GHR: variants seen among roughly 807,000 people sequenced by gnomAD.
GHR encodes the protein growth hormone receptor.
Under a neutral mutation model 67.1 loss-of-function variants are expected in GHR, and 35 were observed. The ratio of observed to expected loss-of-function variants is 0.52; its 90% confidence interval spans 0.40 to 0.69. The LOEUF (loss-of-function observed/expected upper bound fraction) is 0.69, where lower values mean the gene tolerates loss of function less well. GHR is among the 30% of genes least tolerant of loss of function. The probability of loss-of-function intolerance (pLI) is 0.00; values close to 1 mark genes in which losing one functional copy is unlikely to be tolerated. For synonymous variants in GHR, 272 were observed against 269.1 expected (o/e 1.01, Z -0.10); for missense variants, 792 against 764.6 (o/e 1.04, Z -0.42).
intron 1 of GHR, among the ~76,000 whole-genome samples, chr5:42,494,099 A>G (rs1040452777): frequency 6.6e-6 from 1 of 152,152 alleles, no homozygotes; most frequent in African/African-American, 2.4e-5. Context: ...ACTTAATTCT[A>G]CCTATCATGG....
chr5:42,509,950 A>C (rs576601476), intron 1 of GHR, among the ~76,000 whole-genome samples: 1 of 152,136 alleles, frequency 6.6e-6, no homozygotes, highest in Non-Finnish European at 1.5e-5. Context: ...AAACTTGAGA[A>C]TTTATCTCCT....
intron 2 of GHR, among the ~76,000 whole-genome samples, chr5:42,627,612 G>C (rs1753767962): frequency 1.3e-5 from 2 of 152,246 alleles, no homozygotes; most frequent in South Asian, 4.1e-4. Context: ...CGACAGGGAT[G>C]TGGCTCACCT....
intron 1 of GHR, among the ~76,000 whole-genome samples, chr5:42,483,074 C>G (rs934096655): frequency 6.6e-6 from 1 of 152,212 alleles, no homozygotes; most frequent in African/African-American, 2.4e-5. Context: ...CACTTACTCT[C>G]TCTTTATTTT....
chr5:42,551,316 A>G (rs926336922), intron 1 of GHR, among the ~76,000 whole-genome samples: 4 of 152,220 alleles, frequency 2.6e-5, no homozygotes, highest in African/African-American at 7.2e-5. Flanking sequence ...CAATGTAGGC[A>G]CAGAGGAGTT....
At chr5:42,661,864 C>T (rs1755648315) in intron 3 of GHR, among the ~76,000 whole-genome samples, 1 of 152,200 alleles carries the variant, frequency 6.6e-6, no homozygotes, top group African/African-American at 2.4e-5. Flanking sequence ...AAACCCATCT[C>T]ACGTGCAGAG....
At chr5:42,481,778 A>G (rs1365985098) in intron 1 of GHR, among the ~76,000 whole-genome samples, 2 of 152,082 alleles carry the variant, frequency 1.3e-5, no homozygotes, top group African/African-American at 4.8e-5. Flanking sequence ...CTAGTTATAC[A>G]TTCATCTAAT....
chr5:42,690,939 C>T (rs868339514), intron 4 of GHR, among the ~76,000 whole-genome samples: 7 of 152,206 alleles, frequency 4.6e-5, no homozygotes, highest in Admixed American at 2.6e-4. Context: ...AGAATAACCT[C>T]TTAAGCTGGG....
intron 1 of GHR, among the ~76,000 whole-genome samples, chr5:42,539,433 A>G (rs1409765303): frequency 3.3e-5 from 5 of 152,100 alleles, no homozygotes; most frequent in Non-Finnish European, 7.4e-5. Context: ...AGTGATTGTT[A>G]TCTCTCTTCT....
At chr5:42,469,689 C>T (rs964755781) in intron 1 of GHR, among the ~76,000 whole-genome samples, 1 of 152,192 alleles carries the variant, frequency 6.6e-6, no homozygotes, top group African/African-American at 2.4e-5. Flanking sequence ...GACCCAGAGT[C>T]CCAGGACACT....
At chr5:42,518,194 TTAA>T (rs1318570484) in intron 1 of GHR, among the ~76,000 whole-genome samples, 17 of 145,598 alleles carry the variant, frequency 1.2e-4, no homozygotes, top group Non-Finnish European at 2.3e-4. Context: ...AATGATAGTA[TTAA>T]TAATTCTGTG....
chr5:42,565,971 C>T, intron 2 of GHR, 27 bp downstream of exon 2: 4 of 1,613,410 alleles, frequency 2.5e-6, no homozygotes, highest in South Asian at 1.1e-5. Flanking sequence ...CATTTCCACC[C>T]TCAGTGTTTT....
At position 42,585,189 on chromosome 5, in the gene GHR, G is replaced by A. The variant is rs75848210; in HGVS notation, c.70+19245G>A. Among the ~76,000 whole-genome samples, 1,842 of 152,272 alleles carry A rather than the reference G, an allele frequency of 0.012. 81 individuals are homozygous for A. In the East Asian group the frequency reaches 0.14, roughly 12 times the overall value. On this transcript the variant is annotated intron_variant, in intron 2 of 9. Transcript: ENST00000230882. ...AATTAAAATTAAATAGCTATTGGTA[G>A]GATCTGGTTTTCCACTGGCTTGCAT...
chr5:42,480,309 A>G (rs1253202286), intron 1 of GHR, among the ~76,000 whole-genome samples: 5 of 152,200 alleles, frequency 3.3e-5, no homozygotes, highest in Non-Finnish European at 5.9e-5. Context: ...ACTTCCAAGT[A>G]TGTGGTCAAT....
At chr5:42,429,560 G>C (rs1407961309) in intron 1 of GHR, among the ~76,000 whole-genome samples, 1 of 152,156 alleles carries the variant, frequency 6.6e-6, no homozygotes, top group Non-Finnish European at 1.5e-5. Flanking sequence ...CTATAAACAA[G>C]ATAACTTGTT....
At chr5:42,536,651 T>G (rs1231233580) in intron 1 of GHR, among the ~76,000 whole-genome samples, 5 of 152,124 alleles carry the variant, frequency 3.3e-5, no homozygotes, top group African/African-American at 1.2e-4. Flanking sequence ...CTTTCCTGGT[T>G]TTGGTATTAG....
chr5:42,643,533 C>A (rs1269577804), intron 3 of GHR, among the ~76,000 whole-genome samples: 1 of 152,134 alleles, frequency 6.6e-6, no homozygotes, highest in Non-Finnish European at 1.5e-5. Flanking sequence ...TCTACACGAC[C>A]TCTCCCTGGA....
intron 1 of GHR, among the ~76,000 whole-genome samples, chr5:42,458,303 T>G (rs1397146525): frequency 2.0e-5 from 3 of 152,074 alleles, no homozygotes; most frequent in African/African-American, 7.2e-5. Context: ...TGGAACAGAT[T>G]AGAGAGCCCA....
chr5:42,639,171 A>C (rs1378733622), intron 3 of GHR, among the ~76,000 whole-genome samples: 1 of 152,194 alleles, frequency 6.6e-6, no homozygotes, highest in African/African-American at 2.4e-5. Context: ...ATTATTGCAT[A>C]ATATTTATTT....
chr5:42,483,059 A>AT (rs1303039777), intron 1 of GHR, among the ~76,000 whole-genome samples: 1 of 152,132 alleles, frequency 6.6e-6, no homozygotes, highest in Non-Finnish European at 1.5e-5. Context: ...TCTTGCTGGC[A>AT]TTCACACTTA....
Sources: allele counts gnomAD v4.1 joint callset (sites outside exome capture counted in the v4.1 genomes callset), GRCh38; gene constraint gnomAD v4.1.1; transcripts MANE v1.5; gene names NCBI Gene and HGNC (gene_info 2026-07-23, HGNC 2026-07-21).